FAIM: variants seen among roughly 807,000 people sequenced by gnomAD.
FAIM encodes Fas apoptotic inhibitory molecule.
FAIM carries 14 observed loss-of-function variants against 21.2 expected under a neutral mutation model. That is an observed-to-expected ratio of 0.66 (90% CI 0.44 to 1.03). The LOEUF (loss-of-function observed/expected upper bound fraction) is 1.03, where lower values mean the gene tolerates loss of function less well. FAIM is among the 50% of genes least tolerant of loss of function. FAIM has a pLI of 0.00. For synonymous variants in FAIM, 86 were observed against 80.4 expected, an observed-to-expected ratio of 1.07 and a Z score of -0.37; for missense variants, 222 against 247.1, an observed-to-expected ratio of 0.90 and a Z score of 0.68.
At chr3:138,615,108 T>C (rs931016701) in intron 1 of FAIM, among the ~76,000 whole-genome samples, 1 of 152,216 alleles carries the variant, frequency 6.6e-6, no homozygotes, top group Admixed American at 6.5e-5. Flanking sequence ...CTCAGAATAC[T>C]TACCTTAGCC....
chr3:138,624,946 G>A (rs541985304), intron 4 of FAIM, among the ~76,000 whole-genome samples: 252 of 151,282 alleles, frequency 1.7e-3, no homozygotes, highest in African/African-American at 6.0e-3. Flanking sequence ...TGGGAGGATC[G>A]CTTGAGCCCA....
At chr3:138,619,194 T>G (rs1437494199) in intron 1 of FAIM, among the ~76,000 whole-genome samples, 5 of 152,242 alleles carry the variant, frequency 3.3e-5, no homozygotes, top group Non-Finnish European at 5.9e-5. Context: ...CTAAACAGAT[T>G]TTGAAAGTTA....
intron 1 of FAIM, among the ~76,000 whole-genome samples, chr3:138,612,305 G>A (rs1242000454): frequency 6.6e-6 from 1 of 152,002 alleles, no homozygotes; most frequent in Non-Finnish European, 1.5e-5. Context: ...GTTTCACCGT[G>A]TTAGCCAGGA....
intron 5 of FAIM, chr3:138,629,904 G>A (rs2042986248): frequency 6.6e-6 from 1 of 152,316 alleles, no homozygotes; most frequent in Admixed American, 6.6e-5. Flanking sequence ...TATGGCTGTG[G>A]ATGGGATGAA....
chr3:138,630,179 A>G (rs2042990253), intron 5 of FAIM: 1 of 152,192 alleles, frequency 6.6e-6, no homozygotes. Flanking sequence ...TCTCATTTGT[A>G]TAGTATAGGT....
chr3:138,632,822 A>G (rs751883318), intron 5 of FAIM, 108 bp from the exon 6 acceptor site: 227 of 1,082,622 alleles, frequency 2.1e-4, no homozygotes, highest in Non-Finnish European at 2.6e-4. Flanking sequence ...TTATTGTTTA[A>G]CTAATACATT....
At position 138,622,165 on chromosome 3, in the gene FAIM, T is replaced by C. The variant is rs776219491; in HGVS notation, c.178-23T>C. The stretch of plus-strand genomic sequence containing the variant: ...ATCAATTTTTCTTCCATTTGTTTCA[T>C]ATTTTTCTGTTTTATTATGTAGGAA... On this transcript the variant is annotated intron_variant, in intron 3 of 5. Transcript: ENST00000360570. 5.9e-6 allele frequency: 9 copies of C among 1,536,554 alleles called. No homozygotes were observed. In the Admixed American group the frequency reaches 1.7e-4, roughly 29 times the overall value.
chr3:138,614,197 T>C (rs2042801295), intron 1 of FAIM, among the ~76,000 whole-genome samples: 1 of 152,224 alleles, frequency 6.6e-6, no homozygotes, highest in African/African-American at 2.4e-5. Flanking sequence ...CCCAGCACTT[T>C]GGGTGGCCGA....
chr3:138,621,643 G>A, intron 3 of FAIM, 104 bp downstream of exon 3: 1 of 1,023,448 alleles, frequency 9.8e-7, no homozygotes, highest in Admixed American at 2.9e-5. Flanking sequence ...TTTTCTTGTA[G>A]TCATGTTTTT....
In FAIM at chr3:138,616,708, G is replaced by T. The variant is rs537610519; in HGVS notation, c.-16-3003G>T. 7.2e-5 allele frequency among the ~76,000 whole-genome samples: 11 copies of T among 152,194 alleles called. No individual in the cohort carries two copies. In the South Asian group the frequency reaches 1.0e-3, roughly 14 times the overall value. Reference sequence around the variant, plus strand: ...TATAATTATTAACCATTTATAAAAAGATTTTTTTAGTGTTTTGCTTAAAAT... The same window carrying T: ...TATAATTATTAACCATTTATAAAAATATTTTTTTAGTGTTTTGCTTAAAAT... On this transcript the variant is annotated intron_variant, in intron 1 of 5. Transcript: ENST00000360570.
intron 4 of FAIM, among the ~76,000 whole-genome samples, chr3:138,625,200 C>T (rs1014214165): frequency 1.2e-4 from 18 of 152,074 alleles, no homozygotes; most frequent in African/African-American, 4.3e-4. Flanking sequence ...TGGTAGCTCA[C>T]ACCTGTAATC....
At chr3:138,613,816 T>C (rs574084010) in intron 1 of FAIM, among the ~76,000 whole-genome samples, 1 of 152,322 alleles carries the variant, frequency 6.6e-6, no homozygotes, top group South Asian at 2.1e-4. Context: ...TCAATTTATC[T>C]ATTTTTTTCT....
intron 2 of FAIM, 88 bp downstream of exon 2, chr3:138,619,858 T>C: frequency 1.6e-6 from 2 of 1,278,126 alleles, no homozygotes; most frequent in South Asian, 2.6e-5. Context: ...GATACTCTGT[T>C]AAGAATACAT....
chr3:138,629,434 A>AGCAAGT (rs2042978864), intron 5 of FAIM: 8 of 268,306 alleles, frequency 3.0e-5, no homozygotes, highest in South Asian at 1.2e-4. Flanking sequence ...TAAAATACCT[A>AGCAAGT]AAAAGAGCCC....
At chr3:138,609,599 T>C (rs1174595220) in intron 1 of FAIM, among the ~76,000 whole-genome samples, 28 of 69,394 alleles carry the variant, frequency 4.0e-4, no homozygotes, top group East Asian at 5.6e-4. Flanking sequence ...CTCGACTCTC[T>C]CTCTCTCTCT....
chr3:138,619,692 G>A lies in FAIM; in HGVS notation c.-16-19G>A, dbSNP rs749343681. On this transcript the variant is annotated intron_variant, in intron 1 of 5. Transcript: ENST00000360570. ...TGCAATTCTGCTTTTTTCTTTCCTGGCTGCTAATTGGATTAAAGACTGTTT... is the reference window on the plus strand; with the variant it reads ...TGCAATTCTGCTTTTTTCTTTCCTGACTGCTAATTGGATTAAAGACTGTTT... 5 of 1,606,308 alleles carry A rather than the reference G, an allele frequency of 3.1e-6. No individual in the cohort carries two copies. In the South Asian group the frequency reaches 5.6e-5, roughly 18 times the overall value.
At chr3:138,623,204 G>A (rs1472416415) in intron 4 of FAIM, among the ~76,000 whole-genome samples, 1 of 152,048 alleles carries the variant, frequency 6.6e-6, no homozygotes, top group East Asian at 1.9e-4. Context: ...AATTATCAAA[G>A]TCTAGGACTT....
chr3:138,614,806 T>C (rs1376356376), intron 1 of FAIM, among the ~76,000 whole-genome samples: 2 of 151,906 alleles, frequency 1.3e-5, no homozygotes, highest in African/African-American at 4.8e-5. Flanking sequence ...CCGGGTGTGG[T>C]GGTGTGTACC....
At chr3:138,614,453 A>G (rs2042804378) in intron 1 of FAIM, among the ~76,000 whole-genome samples, 1 of 152,030 alleles carries the variant, frequency 6.6e-6, no homozygotes, top group Admixed American at 6.6e-5. Context: ...AAAACAAAAA[A>G]AAAGAAGGAT....
Sources: gnomAD v4.1 joint callset for allele counts (sites outside exome capture counted in the v4.1 genomes callset) on GRCh38, gnomAD v4.1.1 for gene constraint, MANE v1.5 for transcripts, NCBI Gene and HGNC (gene_info 2026-07-23, HGNC 2026-07-21) for gene names.